NHSL3: variants seen among roughly 807,000 people sequenced by gnomAD.
The protein encoded by NHSL3 is NHS like 3.
At chr1:32,769,799 T>G in the NHSL3 span, 1 of 1,612,804 alleles carries the variant, frequency 6.2e-7, no homozygotes, top group Non-Finnish European at 8.5e-7. Context: ...GAGGCCTGGG[T>G]TAGGAGGGCA....
At chr1:32,772,973 G>A in the NHSL3 span, 1 of 1,343,998 alleles carries the variant, frequency 7.4e-7, no homozygotes, top group Non-Finnish European at 1.1e-6. Flanking sequence ...AGAGGATACA[G>A]CAGACACAAC....
At chr1:32,770,883 G>A in the NHSL3 span, 1 of 1,609,096 alleles carries the variant, frequency 6.2e-7, no homozygotes, top group East Asian at 2.2e-5. This position sits in a 1 kb window ranked among gnomAD's most constrained non-coding sequence, Gnocchi z 8.3. Flanking sequence ...GTGGTTCCCG[G>A]CGCCCCCCAC....
the NHSL3 span, chr1:32,769,569 G>A: frequency 2.2e-6 from 2 of 925,670 alleles, no homozygotes; most frequent in South Asian, 2.8e-5. Flanking sequence ...CTACTTGACT[G>A]TGGAAACCAT....
At chr1:32,768,142 C>A in the NHSL3 span, 1 of 1,462,850 alleles carries the variant, frequency 6.8e-7, no homozygotes, top group Admixed American at 1.7e-5. Flanking sequence ...CAGCTCAGTC[C>A]TGACTCTTCT....
the NHSL3 span, among the ~76,000 whole-genome samples, chr1:32,748,087 G>T: frequency 6.6e-6 from 1 of 152,118 alleles, no homozygotes; most frequent in African/African-American, 2.4e-5. Context: ...TTCAGCCTGG[G>T]CAACAAGAAC....
chr1:32,748,130 T>G, the NHSL3 span, among the ~76,000 whole-genome samples: 6 of 151,664 alleles, frequency 4.0e-5, no homozygotes, highest in African/African-American at 1.5e-4. Flanking sequence ...AAAACAAAAA[T>G]TAGCCAGGCG....
the NHSL3 span, chr1:32,741,945 C>T: frequency 2.3e-6 from 2 of 888,534 alleles, no homozygotes; most frequent in African/African-American, 1.8e-5. This position sits in a 1 kb window ranked among gnomAD's most constrained non-coding sequence, Gnocchi z 4.3. Flanking sequence ...CCGCTCCGCC[C>T]CCGCCTGCCA....
the NHSL3 span, among the ~76,000 whole-genome samples, chr1:32,755,700 A>G: frequency 6.6e-6 from 1 of 152,186 alleles, no homozygotes; most frequent in Non-Finnish European, 1.5e-5. Flanking sequence ...TGAGGTAGTA[A>G]TATAATCAAA....
chr1:32,770,047 G>T, the NHSL3 span: 2 of 1,578,082 alleles, frequency 1.3e-6, no homozygotes, highest in Non-Finnish European at 8.6e-7. This position sits in a 1 kb window ranked among gnomAD's most constrained non-coding sequence, Gnocchi z 8.3. Context: ...TGAGACAGAG[G>T]CCATGCTGCA....
chr1:32,741,933 G>T, the NHSL3 span: 1 of 676,796 alleles, frequency 1.5e-6, no homozygotes, highest in Non-Finnish European at 1.9e-6. The surrounding 1 kb of genome is among the most constrained non-coding windows in gnomAD (Gnocchi z 4.3). Context: ...CTGACCCGCC[G>T]CCCGCTCCGC....
At chr1:32,763,007 GTCTC>G in the NHSL3 span, among the ~76,000 whole-genome samples, 2 of 142,006 alleles carry the variant, frequency 1.4e-5, no homozygotes, top group African/African-American at 5.3e-5. Context: ...TTGAGACGGA[GTCTC>G]TCTCTGTCAC....
At chr1:32,765,165 T>A in the NHSL3 span, among the ~76,000 whole-genome samples, 1 of 152,246 alleles carries the variant, frequency 6.6e-6, no homozygotes, top group Non-Finnish European at 1.5e-5. Flanking sequence ...CCAGCCACTG[T>A]GGTTCTGCTC....
At chr1:32,757,943 A>C in the NHSL3 span, among the ~76,000 whole-genome samples, 1 of 152,168 alleles carries the variant, frequency 6.6e-6, no homozygotes. Context: ...TGGAGGAAGC[A>C]CTGTGGGGAG....
At chr1:32,752,948 C>T in the NHSL3 span, among the ~76,000 whole-genome samples, 186 of 32,190 alleles carry the variant, frequency 5.8e-3, 7 homozygotes, top group African/African-American at 0.027. Context: ...CACACACACA[C>T]ACATATATAT....
chr1:32,745,779 T>G, the NHSL3 span, among the ~76,000 whole-genome samples: 1 of 151,878 alleles, frequency 6.6e-6, no homozygotes, highest in Non-Finnish European at 1.5e-5. Flanking sequence ...TGGCAGCAGG[T>G]TTCTGCTGTT....
chr1:32,765,764 G>T, the NHSL3 span: 9 of 1,547,436 alleles, frequency 5.8e-6, no homozygotes, highest in African/African-American at 1.4e-5. Flanking sequence ...AGTGGCGCCC[G>T]CAGTCATGGT....
chr1:32,766,075 C>T, the NHSL3 span, among the ~76,000 whole-genome samples: 6 of 152,096 alleles, frequency 3.9e-5, no homozygotes, highest in African/African-American at 1.4e-4. Flanking sequence ...TGCAGCCCTC[C>T]CGTGAGACTT....
chr1:32,769,964 G>A, the NHSL3 span: 10 of 1,606,720 alleles, frequency 6.2e-6, no homozygotes, highest in Admixed American at 1.7e-5. Flanking sequence ...GTGGACGGCC[G>A]CCCCCGAGGC....
At chr1:32,774,896 GC>G in the NHSL3 span, 1 of 152,378 alleles carries the variant, frequency 6.6e-6, no homozygotes, top group African/African-American at 2.4e-5. Flanking sequence ...CATTCCCTCT[GC>G]CCTGAAGCCT....
Sources: gnomAD v4.1 joint callset for allele counts (sites outside exome capture counted in the v4.1 genomes callset) on GRCh38, gnomAD v4.1.1 for gene constraint, Gnocchi (gnomAD v3.1) non-coding constraint, MANE v1.5 for transcripts, NCBI Gene and HGNC (gene_info 2026-07-23, HGNC 2026-07-21) for gene names.